Variants in MPDZ observed in about 807,000 individuals in gnomAD.
The protein encoded by MPDZ is multiple PDZ domain protein.
Under a neutral mutation model 239.1 loss-of-function variants are expected in MPDZ, and 234 were observed. The ratio of observed to expected loss-of-function variants is 0.98; its 90% CI spans 0.88 to 1.09. The LOEUF (loss-of-function observed/expected upper bound fraction) is 1.09, where lower values mean the gene tolerates loss of function less well. Among genes scored for constraint, MPDZ ranks in the 50% least tolerant of loss-of-function variants. The pLI, the probability that MPDZ is intolerant of heterozygous loss-of-function variation, is 0.00. For missense variants in MPDZ, 3,175 were observed against 2,510.0 expected (o/e 1.26, Z -5.66); for synonymous variants, 1,048 against 881.3 (o/e 1.19, Z -3.35).
chr9:13,126,409 T>A, intron 34 of MPDZ, 107 bp downstream of exon 34: 1 of 690,210 alleles, frequency 1.4e-6, no homozygotes, highest in Non-Finnish European at 2.4e-6. Context: ...TAAGAACATG[T>A]CTAATACAGC....
chr9:13,273,864 A>T (rs1973571256), intron 1 of MPDZ, among the ~76,000 whole-genome samples: 1 of 152,206 alleles, frequency 6.6e-6, no homozygotes, highest in South Asian at 2.1e-4. Flanking sequence ...GTGGTAGTGA[A>T]CTGTATCATA....
At chr9:13,124,372 A>G (rs950651585) in intron 35 of MPDZ, among the ~76,000 whole-genome samples, 2 of 152,218 alleles carry the variant, frequency 1.3e-5, no homozygotes, top group Non-Finnish European at 2.9e-5. Flanking sequence ...ATCCAACTAC[A>G]TTACAAATGA....
intron 23 of MPDZ, among the ~76,000 whole-genome samples, chr9:13,162,044 T>C (rs2133616248): frequency 6.6e-6 from 1 of 152,174 alleles, no homozygotes; most frequent in Admixed American, 6.5e-5. Flanking sequence ...GTGGGCAGAC[T>C]GCTTAAGCTC....
intron 8 of MPDZ, 91 bp downstream of exon 8, chr9:13,219,468 C>G (rs938920855): frequency 9.0e-7 from 1 of 1,111,014 alleles, no homozygotes; most frequent in African/African-American, 1.6e-5. Context: ...AATATAGGAA[C>G]ATTAGTAAGT....
chr9:13,162,619 CCT>C, intron 23 of MPDZ, 70 bp downstream of exon 23: 1 of 955,020 alleles, frequency 1.0e-6, no homozygotes, highest in Admixed American at 2.2e-5. Flanking sequence ...TCTAGTCCTC[CCT>C]GACTCTGAAT....
intron 28 of MPDZ, 117 bp downstream of exon 28, chr9:13,139,870 T>C (rs1210928511): frequency 1.8e-6 from 2 of 1,140,418 alleles, no homozygotes; most frequent in Admixed American, 1.7e-5. Context: ...CCACACAGAA[T>C]TGCAGTATAT....
intron 36 of MPDZ, 77 bp downstream of exon 36, chr9:13,123,076 T>A (rs1944598300): frequency 7.0e-7 from 1 of 1,430,290 alleles, no homozygotes; most frequent in East Asian, 2.4e-5. Context: ...CTAGAACTGA[T>A]AGAAATCTCC....
chr9:13,111,147 T>G (rs962911440), intron 43 of MPDZ, among the ~76,000 whole-genome samples: 1 of 152,104 alleles, frequency 6.6e-6, no homozygotes, highest in South Asian at 2.1e-4. Flanking sequence ...GAGGCCAAAT[T>G]TGGCCCACTG....
At chr9:13,178,617 A>G (rs1359762374) in intron 19 of MPDZ, among the ~76,000 whole-genome samples, 1 of 152,198 alleles carries the variant, frequency 6.6e-6, no homozygotes, top group East Asian at 1.9e-4. Context: ...AAAGCATATG[A>G]CGTTAATTGA....
At chr9:13,215,511 T>A in intron 10 of MPDZ, among the ~76,000 whole-genome samples, 1 of 151,314 alleles carries the variant, frequency 6.6e-6, no homozygotes, top group Non-Finnish European at 1.5e-5. Context: ...GTGGCGAGTG[T>A]GAATAATATT....
intron 30 of MPDZ, among the ~76,000 whole-genome samples, chr9:13,136,478 C>T (rs1211026200): frequency 6.6e-6 from 1 of 151,446 alleles, no homozygotes; most frequent in East Asian, 1.9e-4. Flanking sequence ...ACTACAGGTG[C>T]GTGCCACCAC....
At chr9:13,151,141 A>C (rs996460519) in intron 24 of MPDZ, among the ~76,000 whole-genome samples, 11 of 150,592 alleles carry the variant, frequency 7.3e-5, no homozygotes, top group East Asian at 2.0e-4. Context: ...ACCTACTAAA[A>C]ACACACACAC....
At chr9:13,257,718 T>A (rs746186647) in intron 1 of MPDZ, among the ~76,000 whole-genome samples, 16 of 152,218 alleles carry the variant, frequency 1.1e-4, no homozygotes, top group Admixed American at 2.0e-4. Context: ...CTTTTGTGTT[T>A]ATCAAATTTT....
chr9:13,186,327 G>C lies in MPDZ; in HGVS notation c.2424C>G (p.His808Gln), dbSNP rs1422613522. The C allele has an allele frequency of 7.5e-6, 12 of 1,596,188 alleles. No individual in the cohort carries two copies. Among genetic ancestry groups the C allele is most frequent in the Non-Finnish European group, 1.0e-5 (12 of 1,170,882 alleles). The part of the protein sequence containing the change: ...AKEDSFLYPP[H>Q]SCEEAGLADK... ...CAGCCAGCCCTGCTTCCTCACAGGA[G>C]TGTGGTGGGTAGAGAAAGGAATCCT... The change falls in exon 18 of 47, where the codon CAC becomes CAG. Residue 808 changes from histidine to glutamine, a missense_variant. Coordinates refer to ENST00000319217, the MANE Select transcript of MPDZ (RefSeq NM_001378778.1).
rs777349702 is a variant in MPDZ at position 13,219,560 on chromosome 9, C to T, written c.1085G>A (p.Arg362Gln). The change falls in exon 8 of 47, where the codon CGG becomes CAG. Residue 362 changes from arginine (R) to glutamine (Q), a missense_variant and splice_region_variant. By Grantham distance (43) the Arg-to-Gln change is conservative. Transcript: ENST00000319217. ...SSSPTSTPELRVDASTQKGEE... is the reference protein window; with the variant it reads ...SSSPTSTPELQVDASTQKGEE... ...CATTAACTACTCTTAACTACTTACC[C>T]GCAACTCTGGTGTTGAAGTTGGGGA... The T allele has an allele frequency of 1.5e-5, 24 of 1,610,948 alleles. No homozygotes were observed. Among genetic ancestry groups the T allele is most frequent in the Admixed American group, 3.3e-5 (2 of 59,720 alleles).
intron 12 of MPDZ, among the ~76,000 whole-genome samples, chr9:13,201,934 TACA>T (rs1956434102): frequency 6.6e-6 from 1 of 152,194 alleles, no homozygotes; most frequent in African/African-American, 2.4e-5. Context: ...GAATTTTCTG[TACA>T]ACATTTCATA....
In MPDZ at chr9:13,193,234, C is replaced by A. The variant is rs753477677; in HGVS notation, c.1736G>T (p.Arg579Leu). 1.3e-5 allele frequency: 21 copies of A among 1,612,012 alleles called. No individual in the cohort carries two copies. The highest frequency in any genetic ancestry group is 1.7e-5 in the Non-Finnish European group (20 of 1,178,814). ...AACAGGACCCTCTGGTAGAACAGAT[C>A]GGATAAAATGATGTCCCACTGTCGC... ...LEATVGHHFI[R>L]SVLPEGPVGH... The change falls in exon 14 of 47, where the codon CGA (arginine) becomes CTA (leucine). Residue 579 changes from arginine (R) to leucine (L), a missense_variant. Physicochemically the swap from Arg to Leu is moderately radical, Grantham distance 102 (BLOSUM62 -2). Coordinates refer to ENST00000319217, the MANE Select transcript of MPDZ (RefSeq NM_001378778.1).
chr9:13,260,164 G>C (rs1970346961), intron 1 of MPDZ, among the ~76,000 whole-genome samples: 1 of 152,028 alleles, frequency 6.6e-6, no homozygotes, highest in African/African-American at 2.4e-5. Flanking sequence ...GATTTAATTA[G>C]AAGTTTATTT....
intron 39 of MPDZ, 42 bp from the exon 40 acceptor site, chr9:13,115,376 T>A (rs1023034840): frequency 3.9e-5 from 56 of 1,450,584 alleles, no homozygotes; most frequent in Non-Finnish European, 5.4e-5. Flanking sequence ...AATGTTTAAA[T>A]AAAATGCTAT....
Sources: allele counts gnomAD v4.1 joint callset (sites outside exome capture counted in the v4.1 genomes callset), GRCh38; gene constraint gnomAD v4.1.1; transcripts MANE v1.5; gene names NCBI Gene and HGNC (gene_info 2026-07-23, HGNC 2026-07-21).